NRG1: variants seen among roughly 807,000 people sequenced by gnomAD.
The protein encoded by NRG1 is neuregulin 1, also known as pro-neuregulin-1, membrane-bound isoform.
NRG1 carries 18 observed loss-of-function variants against 63.8 expected under a neutral mutation model. The observed-to-expected ratio is 0.28, with a 90% CI of 0.19 to 0.42. The LOEUF is 0.42. Among genes scored for constraint, NRG1 ranks in the 10% least tolerant of loss-of-function variants. The probability of loss-of-function intolerance (pLI) is 1.00; values close to 1 mark genes in which losing one functional copy is unlikely to be tolerated. For synonymous variants in NRG1, 302 were observed against 301.3 expected, an observed-to-expected ratio of 1.00 and a Z score of -0.02; for missense variants, 762 against 814.7, an observed-to-expected ratio of 0.94 and a Z score of 0.79.
chr8:31,639,548 C>T (rs887836690), intron 1 of NRG1: 3 of 1,457,694 alleles, frequency 2.1e-6, no homozygotes, highest in Admixed American at 2.2e-5. Context: ...GCCGCTTGCT[C>T]GCAGCCCCAG....
intron 1 of NRG1, among the ~76,000 whole-genome samples, chr8:32,383,402 C>T (rs892168486): frequency 3.3e-5 from 5 of 152,132 alleles, no homozygotes; most frequent in African/African-American, 1.2e-4. Context: ...CTAGACCCGT[C>T]ATTGAGGGTA....
At chr8:32,013,272 A>C (rs1444233441) in intron 1 of NRG1, among the ~76,000 whole-genome samples, 3 of 152,192 alleles carry the variant, frequency 2.0e-5, no homozygotes, top group Non-Finnish European at 4.4e-5. Context: ...CTGGAAAGAA[A>C]TTTTAAATTA....
intron 1 of NRG1, among the ~76,000 whole-genome samples, chr8:31,879,648 A>C (rs556594210): frequency 6.6e-6 from 1 of 152,260 alleles, no homozygotes; most frequent in South Asian, 2.1e-4. Flanking sequence ...ATATTATTAC[A>C]TCATTGAGGT....
intron 1 of NRG1, among the ~76,000 whole-genome samples, chr8:32,289,096 T>C (rs868608536): frequency 2.6e-5 from 4 of 152,218 alleles, no homozygotes; most frequent in Non-Finnish European, 4.4e-5. Context: ...ATTTTCTGTC[T>C]CTTGAAATCT....
intron 1 of NRG1, among the ~76,000 whole-genome samples, chr8:32,125,934 T>C (rs1420109185): frequency 1.3e-5 from 2 of 151,916 alleles, no homozygotes; most frequent in Non-Finnish European, 2.9e-5. Flanking sequence ...AGTTTGCATG[T>C]GGAGTTCACT....
At chr8:32,622,818 A>G (rs1048999239) in intron 5 of NRG1, among the ~76,000 whole-genome samples, 12 of 152,212 alleles carry the variant, frequency 7.9e-5, no homozygotes, top group African/African-American at 2.9e-4. Flanking sequence ...CCCTTCATGT[A>G]TGGAAGAGAG....
chr8:32,585,418 G>A (rs932084737), intron 1 of NRG1, among the ~76,000 whole-genome samples: 2 of 152,130 alleles, frequency 1.3e-5, no homozygotes, highest in African/African-American at 4.8e-5. Context: ...AATTAGGCAG[G>A]CCTGCTGAAC....
At chr8:32,548,468 C>A in exon 1 of NRG1, 1 of 1,182,974 alleles carries the variant, frequency 8.5e-7, no homozygotes, top group Non-Finnish European at 1.0e-6. Context: ...CGGTGGGACC[C>A]ATCGACGACT....
chr8:32,702,013 T>C (rs1216911442), intron 5 of NRG1, among the ~76,000 whole-genome samples: 6 of 152,238 alleles, frequency 3.9e-5, no homozygotes, highest in Non-Finnish European at 2.9e-5. Flanking sequence ...CAAGTATCCT[T>C]CTCAGATGAC....
intron 6 of NRG1, among the ~76,000 whole-genome samples, chr8:32,732,877 A>G (rs1339674166): frequency 7.6e-6 from 1 of 131,792 alleles, no homozygotes; most frequent in Non-Finnish European, 1.5e-5. Flanking sequence ...GTGCAGTCTC[A>G]GCTCACTGAA....
At chr8:31,755,409 A>C (rs1427816536) in intron 1 of NRG1, among the ~76,000 whole-genome samples, 2 of 152,112 alleles carry the variant, frequency 1.3e-5, no homozygotes, top group East Asian at 3.9e-4. Flanking sequence ...ATGCATTCAG[A>C]TCCACACTGT....
intron 1 of NRG1, among the ~76,000 whole-genome samples, chr8:31,869,953 G>A (rs183012719): frequency 2.0e-5 from 3 of 152,226 alleles, no homozygotes; most frequent in East Asian, 3.9e-4. Context: ...TCTAAAAGCA[G>A]CAATACAATC....
At chr8:31,639,368 C>A in exon 1 of NRG1, 1 of 1,534,240 alleles carries the variant, frequency 6.5e-7, no homozygotes, top group Non-Finnish European at 8.7e-7. Flanking sequence ...GACCCACTCG[C>A]GGGTCCCGCT....
chr8:32,358,243 C>G (rs935808642), intron 1 of NRG1, among the ~76,000 whole-genome samples: 2 of 152,006 alleles, frequency 1.3e-5, no homozygotes, highest in South Asian at 2.1e-4. Context: ...ACCAACTCAG[C>G]CCCAGAATGC....
At chr8:32,375,557 C>A (rs1404729900) in intron 1 of NRG1, among the ~76,000 whole-genome samples, 1 of 151,988 alleles carries the variant, frequency 6.6e-6, no homozygotes, top group African/African-American at 2.4e-5. Flanking sequence ...AAGGAGAAAT[C>A]ATGTGATTGG....
At chr8:32,215,794 C>G (rs935141830) in intron 1 of NRG1, among the ~76,000 whole-genome samples, 1 of 152,132 alleles carries the variant, frequency 6.6e-6, no homozygotes, top group Non-Finnish European at 1.5e-5. Context: ...GTAATCCCAG[C>G]AATTTGGGAG....
At chr8:32,577,332 T>C (rs1158391574) in intron 1 of NRG1, among the ~76,000 whole-genome samples, 2 of 152,194 alleles carry the variant, frequency 1.3e-5, no homozygotes, top group Non-Finnish European at 2.9e-5. Flanking sequence ...ATATTCATTT[T>C]AGTAAACTTG....
intron 1 of NRG1, among the ~76,000 whole-genome samples, chr8:32,578,115 C>T (rs990405001): frequency 4.6e-5 from 7 of 152,116 alleles, no homozygotes; most frequent in African/African-American, 1.7e-4. Context: ...TAGCCTCAGC[C>T]TCCTGAGTAG....
intron 1 of NRG1, among the ~76,000 whole-genome samples, chr8:32,495,822 A>G (rs1373234664): frequency 6.6e-6 from 1 of 152,136 alleles, no homozygotes; most frequent in Non-Finnish European, 1.5e-5. Context: ...TAGCAGTGTG[A>G]GAACAAACTA....
Sources: allele counts gnomAD v4.1 joint callset (sites outside exome capture counted in the v4.1 genomes callset), GRCh38; gene constraint gnomAD v4.1.1; transcripts MANE v1.5; gene names NCBI Gene and HGNC (gene_info 2026-07-23, HGNC 2026-07-21).